PCCB: variants seen among roughly 807,000 people sequenced by gnomAD.
PCCB encodes propionyl-CoA carboxylase beta chain, mitochondrial.
A neutral mutation model predicts 60.7 loss-of-function variants in PCCB; 43 were observed. The observed-to-expected ratio is 0.71, with a 90% CI of 0.55 to 0.91. The LOEUF is 0.91. PCCB is among the 40% of genes least tolerant of loss of function. PCCB has a pLI of 0.00. For synonymous variants in PCCB, 276 were observed against 255.9 expected, an observed-to-expected ratio of 1.08 and a Z score of -0.75; for missense variants, 766 against 702.8, an observed-to-expected ratio of 1.09 and a Z score of -1.02.
At chr3:136,313,290 G>T (rs2108222007) in intron 9 of PCCB, among the ~76,000 whole-genome samples, 1 of 152,292 alleles carries the variant, frequency 6.6e-6, no homozygotes, top group East Asian at 1.9e-4. Context: ...ATTTGTAATT[G>T]CGAGATACTC....
At position 136,285,730 on chromosome 3, in the gene PCCB, ACT is replaced by A. The variant is rs540872144; in HGVS notation, c.654+1786_654+1787del. ...TGGCAATTTACATGATTCCATTCAG[ACT>A]CTAGATGCTGGAGTTCATTTCAACT... On this transcript the variant is annotated intron_variant, in intron 6 of 14. Transcript: ENST00000251654. Among the ~76,000 whole-genome samples the A allele has an allele frequency of 3.8e-4, 58 of 151,778 alleles. No individual in the cohort carries two copies. The South Asian group carries it at 8.1e-3, about 21-fold the overall frequency.
chr3:136,268,114 A>ATG (rs1430019631), intron 5 of PCCB, among the ~76,000 whole-genome samples: 1 of 129,690 alleles, frequency 7.7e-6, no homozygotes, highest in African/African-American at 3.3e-5. Flanking sequence ...ATATATATAT[A>ATG]TATATATGTA....
At chr3:136,260,059 TTTG>T (rs1941778746) in intron 3 of PCCB, 1 of 237,178 alleles carries the variant, frequency 4.2e-6, no homozygotes, top group South Asian at 4.7e-5. Flanking sequence ...GGCAACTTTT[TTTG>T]TTTTGTTTTG....
At chr3:136,322,067 T>G (rs1173789931) in intron 10 of PCCB, among the ~76,000 whole-genome samples, 1 of 152,248 alleles carries the variant, frequency 6.6e-6, no homozygotes, top group Non-Finnish European at 1.5e-5. Context: ...AACTTCTAGT[T>G]TCTTACAAGT....
intron 11 of PCCB, 60 bp downstream of exon 11, chr3:136,326,970 T>G (rs747938848): frequency 8.2e-7 from 1 of 1,217,330 alleles, no homozygotes; most frequent in African/African-American, 1.5e-5. Flanking sequence ...GTGCCCACTT[T>G]ATTTGGAGAT....
At chr3:136,284,357 G>C (rs1933256683) in intron 6 of PCCB, among the ~76,000 whole-genome samples, 1 of 151,914 alleles carries the variant, frequency 6.6e-6, no homozygotes, top group Admixed American at 6.6e-5. Context: ...ATTACATTGT[G>C]TCCATAATGG....
intron 6 of PCCB, among the ~76,000 whole-genome samples, chr3:136,289,136 G>A (rs534071724): frequency 6.6e-6 from 1 of 152,236 alleles, no homozygotes; most frequent in Admixed American, 6.5e-5. Flanking sequence ...GGGATTATAG[G>A]CATGAGACAC....
intron 1 of PCCB, among the ~76,000 whole-genome samples, chr3:136,253,503 G>A (rs1941581486): frequency 1.3e-5 from 2 of 151,446 alleles, no homozygotes; most frequent in Admixed American, 1.3e-4. Flanking sequence ...TCCTGCGTTA[G>A]CCTCTTGAGT....
Position 136,273,935 on chromosome 3 carries a change from AAGAAT to A in PCCB, c.544-9899_544-9895del, listed in dbSNP as rs1206773177. On this transcript the variant is annotated intron_variant, in intron 5 of 14. Coordinates refer to ENST00000251654, the MANE Select transcript of PCCB (RefSeq NM_000532.5). ...TCAAAAAAAAAAAAAAAAAAAAAAAAAGAATAGCTCATTCTGCTTGCTTTTGGTTC... is the reference window on the plus strand; with the variant it reads ...TCAAAAAAAAAAAAAAAAAAAAAAAAAGCTCATTCTGCTTGCTTTTGGTTC... Among the ~76,000 whole-genome samples the A allele has an allele frequency of 9.0e-3, 1,295 of 144,100 alleles. 18 individuals carry two copies. Among genetic ancestry groups the A allele is most frequent in the Admixed American group, 0.014 (201 of 14,426 alleles). The allele number at this position is 144,100 out of a possible 152,430, so 94.5% of individuals were successfully genotyped here.
At chr3:136,273,721 G>A (rs1942266380) in intron 5 of PCCB, among the ~76,000 whole-genome samples, 1 of 148,054 alleles carries the variant, frequency 6.8e-6, no homozygotes, top group Admixed American at 6.8e-5. Context: ...GACCATCCTG[G>A]CTAACACGGT....
intron 7 of PCCB, among the ~76,000 whole-genome samples, chr3:136,295,179 C>T (rs1344398982): frequency 6.6e-6 from 1 of 152,188 alleles, no homozygotes; most frequent in African/African-American, 2.4e-5. Flanking sequence ...AATTGCTTCT[C>T]TGAGAGATTT....
rs1397170185 is a variant in PCCB, at chr3:136,253,086, T to TTTG, written c.183+2530_183+2531insGTT. Reference sequence around the variant, plus strand: ...TTGGGAGTCCAAGCAATGGAGGTTTTTTTTTTTTTTTTTTTTTTTTTAAGA... The same window carrying TTTG: ...TTGGGAGTCCAAGCAATGGAGGTTTTTTGTTTTTTTTTTTTTTTTTTTTTAAGA... On this transcript the variant is annotated intron_variant, in intron 1 of 14. Coordinates refer to ENST00000251654, the MANE Select transcript of PCCB (RefSeq NM_000532.5). Among the ~76,000 whole-genome samples the TTTG allele has an allele frequency of 5.5e-3, 637 of 116,058 alleles. 10 individuals are homozygous for TTTG. The highest frequency in any genetic ancestry group is 0.011 in the Admixed American group (129 of 11,936). 76.1% of individuals were successfully genotyped at this position (116,058 alleles called of 152,430 possible).
At chr3:136,255,662 G>C (rs906073648) in intron 1 of PCCB, 194 bp from the exon 2 acceptor site, 1 of 623,964 alleles carries the variant, frequency 1.6e-6, no homozygotes, top group Non-Finnish European at 2.9e-6. Flanking sequence ...GGCGCACACT[G>C]TCTGTCCTGA....
chr3:136,253,232 G>A (rs1372568779), intron 1 of PCCB, among the ~76,000 whole-genome samples: 1 of 151,760 alleles, frequency 6.6e-6, no homozygotes, highest in Non-Finnish European at 1.5e-5. Context: ...TGGGACTACG[G>A]GTGCCCACCA....
chr3:136,305,354 A>T lies in PCCB; in HGVS notation c.966+4243A>T, dbSNP rs1934421205. On this transcript the variant is annotated intron_variant, in intron 9 of 14. Transcript: ENST00000251654. ...TGATCCACTTGCCTCGGCCTCCCAA[A>T]CTACTGGCATTAGAGGTGTAAGCCA... is the stretch of plus-strand genomic sequence containing the variant. 1.6e-5 allele frequency among the ~76,000 whole-genome samples: 2 copies of T among 121,486 alleles called. 1 individual carries two copies. Among genetic ancestry groups the T allele is most frequent in the Non-Finnish European group, 3.7e-5 (2 of 54,562 alleles). 79.7% of individuals were successfully genotyped at this position (121,486 alleles called of 152,430 possible).
intron 9 of PCCB, among the ~76,000 whole-genome samples, chr3:136,310,717 T>G (rs934774877): frequency 7.9e-5 from 12 of 152,332 alleles, no homozygotes; most frequent in South Asian, 6.2e-4. Flanking sequence ...AGATTTCAGT[T>G]TCATATTGCT....
At chr3:136,321,157 A>G (rs1046829938) in intron 10 of PCCB, among the ~76,000 whole-genome samples, 2 of 152,208 alleles carry the variant, frequency 1.3e-5, no homozygotes, top group African/African-American at 4.8e-5. Context: ...CATTCCTGGA[A>G]TAAATCCCAC....
At chr3:136,268,703 A>G (rs1473958357) in intron 5 of PCCB, among the ~76,000 whole-genome samples, 1 of 151,840 alleles carries the variant, frequency 6.6e-6, no homozygotes, top group Non-Finnish European at 1.5e-5. Flanking sequence ...ATCTCAGGTG[A>G]TCCACCCGCC....
chr3:136,313,036 C>T (rs1252223177), intron 9 of PCCB, among the ~76,000 whole-genome samples: 2 of 152,188 alleles, frequency 1.3e-5, no homozygotes, highest in Non-Finnish European at 2.9e-5. Flanking sequence ...ATTCAAATTA[C>T]ACTGAGTATT....
Sources: gnomAD v4.1 joint callset for allele counts (sites outside exome capture counted in the v4.1 genomes callset) on GRCh38, gnomAD v4.1.1 for gene constraint, MANE v1.5 for transcripts, NCBI Gene and HGNC (gene_info 2026-07-23, HGNC 2026-07-21) for gene names.